STARD13: variants seen among roughly 807,000 people sequenced by gnomAD.
STARD13 encodes stAR-related lipid transfer protein 13.
STARD13 carries 62 observed loss-of-function variants against 106.4 expected under a neutral mutation model. That is an observed-to-expected ratio of 0.58 (90% CI 0.48 to 0.72). The LOEUF (loss-of-function observed/expected upper bound fraction) is 0.72. Ranked by LOEUF, STARD13 falls within the 30% of genes least tolerant of loss-of-function variation. The pLI, the probability that STARD13 is intolerant of heterozygous loss-of-function variation, is 0.00. For synonymous variants in STARD13, 565 were observed against 553.0 expected (o/e 1.02, Z -0.31); for missense variants, 1,387 against 1,424.0 (o/e 0.97, Z 0.42).
At chr13:33,460,605 TA>T in the STARD13 span, among the ~76,000 whole-genome samples, 1 of 152,162 alleles carries the variant, frequency 6.6e-6, no homozygotes, top group African/African-American at 2.4e-5. Flanking sequence ...GTTTCCCGCT[TA>T]TTTTTAAAAA....
At chr13:33,511,312 C>CA in the STARD13 span, 43,116 of 143,072 alleles carry the variant, frequency 0.3, 6,863 homozygotes, top group Non-Finnish European at 0.38. Context: ...GACTCCATCT[C>CA]AAAAAAAAAA....
At chr13:33,250,101 C>T (rs1404558526) in intron 1 of STARD13, among the ~76,000 whole-genome samples, 4 of 152,078 alleles carry the variant, frequency 2.6e-5, no homozygotes, top group African/African-American at 9.7e-5. Context: ...CCATCATAAA[C>T]TAATTATGTT....
At chr13:33,311,120 A>C (rs1436361926) in intron 1 of STARD13, among the ~76,000 whole-genome samples, 1 of 144,188 alleles carries the variant, frequency 6.9e-6, no homozygotes, top group Non-Finnish European at 1.5e-5. Flanking sequence ...ATAATAAGAC[A>C]CCATTTCTTA....
the STARD13 span, among the ~76,000 whole-genome samples, chr13:33,598,292 A>C: frequency 1.3e-5 from 2 of 152,186 alleles, no homozygotes; most frequent in African/African-American, 4.8e-5. Flanking sequence ...TTCTCCAGGA[A>C]CATTCAATTT....
the STARD13 span, among the ~76,000 whole-genome samples, chr13:33,590,240 C>T: frequency 6.6e-6 from 1 of 152,118 alleles, no homozygotes; most frequent in Non-Finnish European, 1.5e-5. Flanking sequence ...AACACTTTTA[C>T]ACTGTTGGTG....
At chr13:33,266,009 C>A (rs139804428) in intron 1 of STARD13, among the ~76,000 whole-genome samples, 1 of 152,302 alleles carries the variant, frequency 6.6e-6, no homozygotes, top group East Asian at 1.9e-4. Flanking sequence ...TTTATAATTT[C>A]TTTATCACCA....
At chr13:33,422,154 C>G in the STARD13 span, among the ~76,000 whole-genome samples, 4 of 152,154 alleles carry the variant, frequency 2.6e-5, no homozygotes, top group Non-Finnish European at 5.9e-5. Context: ...GGAAGTCAAA[C>G]TGTGCCTGTT....
chr13:33,517,066 AT>A, the STARD13 span, among the ~76,000 whole-genome samples: 15 of 152,134 alleles, frequency 9.9e-5, no homozygotes, highest in Non-Finnish European at 2.1e-4. Context: ...TACTATTAAA[AT>A]TAATTATACC....
At chr13:33,614,783 G>A in the STARD13 span, among the ~76,000 whole-genome samples, 2 of 152,296 alleles carry the variant, frequency 1.3e-5, no homozygotes, top group East Asian at 3.9e-4. Flanking sequence ...AAGTGCATGA[G>A]CCTGGTGCTG....
At chr13:33,219,598 G>A in intron 1 of STARD13, among the ~76,000 whole-genome samples, 1 of 149,472 alleles carries the variant, frequency 6.7e-6, no homozygotes, top group Non-Finnish European at 1.5e-5. Flanking sequence ...TTGGGATGCA[G>A]AGGCGGGAGG....
At chr13:33,539,862 C>T in the STARD13 span, among the ~76,000 whole-genome samples, 4 of 152,188 alleles carry the variant, frequency 2.6e-5, no homozygotes, top group Non-Finnish European at 4.4e-5. Flanking sequence ...TTAAAAGACA[C>T]TTTTAAGAAA....
chr13:33,537,128 C>T, the STARD13 span, among the ~76,000 whole-genome samples: 370 of 152,280 alleles, frequency 2.4e-3, 2 homozygotes, highest in African/African-American at 8.5e-3. Flanking sequence ...ACTTCCAGAA[C>T]AGTTCTGAGC....
intron 3 of STARD13, among the ~76,000 whole-genome samples, chr13:33,155,840 A>G (rs909438228): frequency 1.3e-5 from 2 of 152,208 alleles, no homozygotes; most frequent in Non-Finnish European, 2.9e-5. Flanking sequence ...AGGGCCAAAC[A>G]GGTTAGTGCA....
the STARD13 span, among the ~76,000 whole-genome samples, chr13:33,477,266 T>C: frequency 3.3e-5 from 5 of 152,200 alleles, no homozygotes; most frequent in Admixed American, 2.6e-4. Flanking sequence ...TAAAGGGTTT[T>C]CAGGGTTAAT....
At chr13:33,266,230 A>G (rs1393941570) in intron 1 of STARD13, among the ~76,000 whole-genome samples, 1 of 152,200 alleles carries the variant, frequency 6.6e-6, no homozygotes, top group Non-Finnish European at 1.5e-5. Context: ...TCGTTTCTTA[A>G]TCTTTAAAAT....
the STARD13 span, among the ~76,000 whole-genome samples, chr13:33,512,153 A>C: frequency 2.0e-5 from 3 of 152,190 alleles, no homozygotes; most frequent in Admixed American, 6.5e-5. Flanking sequence ...TTCCCAATTA[A>C]CAGTTGACTC....
chr13:33,465,144 CTA>C, the STARD13 span, among the ~76,000 whole-genome samples: 4 of 151,292 alleles, frequency 2.6e-5, no homozygotes, highest in Admixed American at 6.6e-5. Context: ...TATTTTCTTT[CTA>C]CCATTTACCA....
chr13:33,605,782 G>A, the STARD13 span, among the ~76,000 whole-genome samples: 1 of 152,112 alleles, frequency 6.6e-6, no homozygotes, highest in Non-Finnish European at 1.5e-5. Context: ...TATTTCCACT[G>A]TTTTTCTAGA....
At chr13:33,341,229 A>G (rs2077955627) in intron 1 of STARD13, among the ~76,000 whole-genome samples, 1 of 152,256 alleles carries the variant, frequency 6.6e-6, no homozygotes, top group South Asian at 2.1e-4. Context: ...TTTGTTCAAC[A>G]TAAGATGTAA....
Sources: gnomAD v4.1 joint callset for allele counts (sites outside exome capture counted in the v4.1 genomes callset) on GRCh38, gnomAD v4.1.1 for gene constraint, MANE v1.5 for transcripts, NCBI Gene and HGNC (gene_info 2026-07-23, HGNC 2026-07-21) for gene names.